Variants in PCDH9 observed in about 807,000 individuals in gnomAD.
The protein encoded by PCDH9 is protocadherin 9, also known as protocadherin-9.
PCDH9 carries 24 observed loss-of-function variants against 70.6 expected under a neutral mutation model. The ratio of observed to expected loss-of-function variants is 0.34; its 90% CI spans 0.25 to 0.48. The LOEUF is 0.48. Among genes scored for constraint, PCDH9 ranks in the 20% least tolerant of loss-of-function variants. PCDH9 has a pLI of 0.99. For synonymous variants in PCDH9, 562 were observed against 558.5 expected, an observed-to-expected ratio of 1.01 and a Z score of -0.09; for missense variants, 1,281 against 1,503.6, an observed-to-expected ratio of 0.85 and a Z score of 2.45.
chr13:66,872,871 C>T (rs2081721999), intron 3 of PCDH9, among the ~76,000 whole-genome samples: 1 of 151,980 alleles, frequency 6.6e-6, no homozygotes, highest in East Asian at 1.9e-4. Flanking sequence ...GAAACAATAC[C>T]TGTAAACTTG....
At chr13:66,680,598 A>T (rs991720619) in intron 3 of PCDH9, among the ~76,000 whole-genome samples, 4 of 151,644 alleles carry the variant, frequency 2.6e-5, no homozygotes, top group African/African-American at 9.7e-5. Context: ...TTTTATCCAT[A>T]GGTTGCTGCT....
intron 2 of PCDH9, among the ~76,000 whole-genome samples, chr13:67,121,236 T>A (rs1450212845): frequency 1.3e-5 from 2 of 152,044 alleles, no homozygotes; most frequent in African/African-American, 2.4e-5. Flanking sequence ...TTTGCAAATA[T>A]GATTTATTTT....
intron 2 of PCDH9, among the ~76,000 whole-genome samples, chr13:67,038,532 T>C (rs1042471863): frequency 6.6e-6 from 1 of 152,208 alleles, no homozygotes; most frequent in African/African-American, 2.4e-5. Flanking sequence ...TGTGATACTA[T>C]AGCAAGCTGC....
chr13:67,008,165 T>C (rs2084388663), intron 2 of PCDH9, among the ~76,000 whole-genome samples: 1 of 152,056 alleles, frequency 6.6e-6, no homozygotes, highest in Admixed American at 6.6e-5. Flanking sequence ...TAATGAAAAG[T>C]TCTCAACAAA....
rs2138047345 is a variant in PCDH9 at position 66,304,127 on chromosome 13, C to T, written c.*528G>A. On this transcript the variant is annotated 3_prime_UTR_variant, in exon 5 of 5. Transcript: ENST00000377865. ...GTTAATAATAGCTTGCTTCTATTTACAAATACTTTAACACTGATTGACTTA... is the reference window on the plus strand; with the variant it reads ...GTTAATAATAGCTTGCTTCTATTTATAAATACTTTAACACTGATTGACTTA... 1 of 152,500 alleles carries T rather than the reference C, an allele frequency of 6.6e-6. No individual in the cohort carries two copies. The highest frequency in any genetic ancestry group is 2.4e-5 in the African/African-American group (1 of 41,512). 9.4% of individuals were successfully genotyped at this position (152,500 alleles called of 1,614,324 possible).
At chr13:66,496,465 G>A (rs1959119822) in intron 4 of PCDH9, among the ~76,000 whole-genome samples, 2 of 152,024 alleles carry the variant, frequency 1.3e-5, no homozygotes, top group Non-Finnish European at 2.9e-5. Context: ...TTGACACTAT[G>A]CCCCTAGTAC....
intron 3 of PCDH9, among the ~76,000 whole-genome samples, chr13:66,846,158 T>C (rs1209788293): frequency 6.8e-6 from 1 of 146,350 alleles, no homozygotes; most frequent in Non-Finnish European, 1.5e-5. Context: ...AAAAACAGCT[T>C]ATATACAAGC....
At chr13:66,543,322 G>A (rs887131200) in intron 4 of PCDH9, among the ~76,000 whole-genome samples, 1 of 152,084 alleles carries the variant, frequency 6.6e-6, no homozygotes, top group Non-Finnish European at 1.5e-5. Context: ...TGTAATCCCA[G>A]GACTTTGGGA....
chr13:66,451,684 T>A (rs1467340610), intron 4 of PCDH9, among the ~76,000 whole-genome samples: 1 of 152,160 alleles, frequency 6.6e-6, no homozygotes, highest in Non-Finnish European at 1.5e-5. Flanking sequence ...GTCACAAAGC[T>A]ACCAAATGAA....
At chr13:66,766,722 C>T (rs2079723535) in intron 3 of PCDH9, among the ~76,000 whole-genome samples, 1 of 151,922 alleles carries the variant, frequency 6.6e-6, no homozygotes, top group Non-Finnish European at 1.5e-5. Flanking sequence ...ATTCTAACTT[C>T]TGTGTGTTTG....
chr13:66,469,588 C>T (rs747789881), intron 4 of PCDH9, among the ~76,000 whole-genome samples: 2 of 152,050 alleles, frequency 1.3e-5, no homozygotes, highest in Non-Finnish European at 2.9e-5. Context: ...AAGCTATCCA[C>T]GACCCAGTAG....
At chr13:67,185,527 C>A (rs942403792) in intron 2 of PCDH9, among the ~76,000 whole-genome samples, 3 of 152,140 alleles carry the variant, frequency 2.0e-5, no homozygotes, top group African/African-American at 7.2e-5. Context: ...CTATACTTTA[C>A]TTTCAAAATT....
chr13:66,936,872 C>A (rs1330265193), intron 2 of PCDH9, among the ~76,000 whole-genome samples: 1 of 152,052 alleles, frequency 6.6e-6, no homozygotes, highest in African/African-American at 2.4e-5. Flanking sequence ...GATTTTTTAA[C>A]AATTGTTTGA....
chr13:67,003,588 C>T (rs182621085), intron 2 of PCDH9, among the ~76,000 whole-genome samples: 12 of 152,120 alleles, frequency 7.9e-5, no homozygotes, highest in African/African-American at 1.9e-4. Context: ...TTTAGCATTT[C>T]GGGACTTTGA....
intron 3 of PCDH9, among the ~76,000 whole-genome samples, chr13:66,728,100 T>A (rs1388245691): frequency 6.6e-6 from 1 of 152,206 alleles, no homozygotes; most frequent in East Asian, 1.9e-4. Flanking sequence ...CTATTTTTCA[T>A]AATAAGCCTT....
chr13:67,005,969 G>A (rs1281533101), intron 2 of PCDH9, among the ~76,000 whole-genome samples: 1 of 152,194 alleles, frequency 6.6e-6, no homozygotes, highest in East Asian at 1.9e-4. Context: ...GCTCACGCCT[G>A]TAATCCCAGC....
intron 2 of PCDH9, among the ~76,000 whole-genome samples, chr13:66,960,849 A>AATC (rs1217256143): frequency 6.6e-6 from 1 of 152,162 alleles, no homozygotes; most frequent in African/African-American, 2.4e-5. Flanking sequence ...TGTTTTTCAA[A>AATC]ATCACATATA....
At position 67,031,904 on chromosome 13, in the gene PCDH9, G is replaced by C. The variant is rs76999963; in HGVS notation, c.3037-128299C>G. On this transcript the variant is annotated intron_variant, in intron 2 of 4. Coordinates refer to ENST00000377865, the MANE Select transcript of PCDH9 (RefSeq NM_203487.3). ...CCTGTCAAAGATACACAGCCCTTCT[G>C]GTCTTTTATTTAGACCTCATTGATG... Among the ~76,000 whole-genome samples the C allele has an allele frequency of 7.3e-4, 111 of 152,098 alleles. 2 individuals are homozygous for C. The East Asian group carries it at 0.02, about 28-fold the overall frequency.
chr13:66,471,206 C>T (rs1958613176), intron 4 of PCDH9, among the ~76,000 whole-genome samples: 1 of 151,946 alleles, frequency 6.6e-6, no homozygotes. Context: ...TCAGTTCGTA[C>T]ATGCCTTTTT....
Sources: allele counts gnomAD v4.1 joint callset (sites outside exome capture counted in the v4.1 genomes callset), GRCh38; gene constraint gnomAD v4.1.1; transcripts MANE v1.5; gene names NCBI Gene and HGNC (gene_info 2026-07-23, HGNC 2026-07-21).